RABGEF1: variants seen among roughly 807,000 people sequenced by gnomAD.
RABGEF1 encodes RAB guanine nucleotide exchange factor 1, also known as rab5 GDP/GTP exchange factor.
In RABGEF1, 26 loss-of-function variants were observed where a neutral mutation model predicts 57.3. The ratio of observed to expected loss-of-function variants is 0.45; its 90% CI spans 0.33 to 0.63. RABGEF1 has a LOEUF of 0.63. Among genes scored for constraint, RABGEF1 ranks in the 20% least tolerant of loss-of-function variants. The pLI is 0.02. For synonymous variants in RABGEF1, 185 were observed against 210.7 expected (o/e 0.88, Z 1.06); for missense variants, 464 against 607.6 (o/e 0.76, Z 2.48).
intron 1 of RABGEF1, among the ~76,000 whole-genome samples, chr7:66,746,646 CAG>C (rs1389513924): frequency 9.9e-6 from 1 of 101,082 alleles, no homozygotes; most frequent in African/African-American, 3.9e-5. Flanking sequence ...TTTTTGAGAA[CAG>C]AGTCTTGCTC....
At chr7:66,790,800 T>C (rs1382425142) in intron 4 of RABGEF1, among the ~76,000 whole-genome samples, 1 of 152,236 alleles carries the variant, frequency 6.6e-6, no homozygotes, top group East Asian at 1.9e-4. Context: ...TGATTTTTAG[T>C]ACCGCATGTT....
At chr7:66,752,618 G>C (rs1227094111) in intron 1 of RABGEF1, among the ~76,000 whole-genome samples, 6 of 152,176 alleles carry the variant, frequency 3.9e-5, no homozygotes, top group African/African-American at 1.4e-4. Flanking sequence ...TTTCGTAATT[G>C]TGGTGTTTTC....
the RABGEF1 span, among the ~76,000 whole-genome samples, chr7:66,671,914 G>A: frequency 6.6e-6 from 1 of 151,550 alleles, no homozygotes. Flanking sequence ...CCTCCGAGGT[G>A]CAAGCAATCC....
At chr7:66,725,017 C>G (rs532095801) in intron 2 of RABGEF1, among the ~76,000 whole-genome samples, 9 of 152,240 alleles carry the variant, frequency 5.9e-5, no homozygotes, top group African/African-American at 2.2e-4. Context: ...CTATTTCTCT[C>G]CTTATTATAT....
At chr7:66,698,097 A>G (rs975116989) in intron 1 of RABGEF1, among the ~76,000 whole-genome samples, 3 of 112,804 alleles carry the variant, frequency 2.7e-5, no homozygotes, top group Non-Finnish European at 5.5e-5. Flanking sequence ...CATCACAGCC[A>G]CGCACCCCCC....
chr7:66,791,568 A>G (rs1812667667), intron 4 of RABGEF1, among the ~76,000 whole-genome samples: 1 of 152,254 alleles, frequency 6.6e-6, no homozygotes, highest in Admixed American at 6.5e-5. Flanking sequence ...TAATGAACCC[A>G]TAAAATAGAA....
At chr7:66,686,870 A>G (rs1022297034) in intron 1 of RABGEF1, among the ~76,000 whole-genome samples, 11 of 149,764 alleles carry the variant, frequency 7.3e-5, no homozygotes, top group Admixed American at 6.0e-4. Flanking sequence ...TGCCCAGGCT[A>G]TAGTGCAGTG....
intron 4 of RABGEF1, among the ~76,000 whole-genome samples, chr7:66,788,433 G>A (rs1811748644): frequency 6.6e-6 from 1 of 150,662 alleles, no homozygotes; most frequent in Admixed American, 6.6e-5. Flanking sequence ...AACAGAGCAA[G>A]ACTCCATCTC....
At chr7:66,761,076 G>T (rs1454312265) in intron 1 of RABGEF1, among the ~76,000 whole-genome samples, 1 of 152,104 alleles carries the variant, frequency 6.6e-6, no homozygotes, top group East Asian at 1.9e-4. Context: ...GCCCAGTTGT[G>T]CAGGGAACAA....
At chr7:66,778,976 G>A (rs1267899936) in intron 3 of RABGEF1, among the ~76,000 whole-genome samples, 3 of 152,050 alleles carry the variant, frequency 2.0e-5, no homozygotes, top group East Asian at 1.9e-4. Flanking sequence ...TTAGTCAGGT[G>A]TGGAAGTGTG....
At chr7:66,738,023 G>GT (rs958049174), upstream of RABGEF1, among the ~76,000 whole-genome samples, 2,124 of 129,358 alleles carry the variant, frequency 0.016, 56 homozygotes, top group East Asian at 0.1. Flanking sequence ...TGTTTTTTTT[G>GT]TTTTTTTTTT....
chr7:66,727,982 C>T lies in RABGEF1; in HGVS notation c.-814-12014C>T, dbSNP rs138779271. ...TCCACCAACCTCATCCTCCCCTCTCCTGACAGCTCTCCACAGGCCAAACCA... is the reference window on the plus strand; with the variant it reads ...TCCACCAACCTCATCCTCCCCTCTCTTGACAGCTCTCCACAGGCCAAACCA... On this transcript the variant is annotated intron_variant and NMD_transcript_variant, in intron 2 of 9. Transcript: ENST00000607882. Among the ~76,000 whole-genome samples, 502 of 152,320 alleles carry T rather than the reference C, an allele frequency of 3.3e-3. 1 individual carries two copies. The highest frequency in any genetic ancestry group is 3.5e-3 in the Non-Finnish European group (238 of 68,030).
intron 4 of RABGEF1, among the ~76,000 whole-genome samples, chr7:66,787,587 C>T (rs1286000841): frequency 2.0e-5 from 3 of 151,360 alleles, no homozygotes; most frequent in East Asian, 2.0e-4. Flanking sequence ...TCACATGATC[C>T]GCCCACCTTG....
At chr7:66,730,946 TG>T (rs1444632478) in intron 2 of RABGEF1, among the ~76,000 whole-genome samples, 1 of 151,468 alleles carries the variant, frequency 6.6e-6, no homozygotes, top group Non-Finnish European at 1.5e-5. Context: ...CTGGCAGGGG[TG>T]GGGTGGATTC....
chr7:66,663,073 C>T, the RABGEF1 span, among the ~76,000 whole-genome samples: 353 of 152,178 alleles, frequency 2.3e-3, no homozygotes, highest in African/African-American at 8.1e-3. Flanking sequence ...CGCTTAAAGG[C>T]ATTCTTAAGC....
At chr7:66,734,608 T>A (rs1035694667) in intron 2 of RABGEF1, among the ~76,000 whole-genome samples, 3 of 150,950 alleles carry the variant, frequency 2.0e-5, no homozygotes, top group African/African-American at 7.3e-5. Context: ...TTTTTTTTTT[T>A]TTTTTTTTTT....
At chr7:66,677,443 A>T (rs1789354108), upstream of RABGEF1, among the ~76,000 whole-genome samples, 1 of 152,236 alleles carries the variant, frequency 6.6e-6, no homozygotes, top group African/African-American at 2.4e-5. Context: ...GACAAGTACC[A>T]ACCTGATGGT....
Position 66,799,332 on chromosome 7 carries a change from C to G in RABGEF1, c.738C>G (p.Arg246=). ...LAIQKRIRAL[R]WVTPQMLCVP... ...GTCTCTCTCTCTTTAGAGCCCTGCG[C>G]TGGGTTACGCCTCAGATGCTGTGTG... The change falls in exon 7 of 9, where the codon CGC becomes CGG. Residue 246 remains arginine, a synonymous_variant. Coordinates refer to ENST00000284957, the MANE Select transcript of RABGEF1 (RefSeq NM_014504.3). The G allele has an allele frequency of 1.2e-6, 2 of 1,606,710 alleles. No homozygotes were observed. Among genetic ancestry groups the G allele is most frequent in the East Asian group, 2.2e-5 (1 of 44,848 alleles).
At chr7:66,717,565 T>C (rs1795549078) in intron 2 of RABGEF1, among the ~76,000 whole-genome samples, 1 of 150,014 alleles carries the variant, frequency 6.7e-6, no homozygotes, top group Non-Finnish European at 1.5e-5. Context: ...AAGACCAGCC[T>C]GGCCAGTATG....
Sources: allele counts gnomAD v4.1 joint callset (sites outside exome capture counted in the v4.1 genomes callset), GRCh38; gene constraint gnomAD v4.1.1; transcripts MANE v1.5; gene names NCBI Gene and HGNC (gene_info 2026-07-23, HGNC 2026-07-21).